Variants in CHST12 observed in about 807,000 individuals in gnomAD.
CHST12 encodes carbohydrate sulfotransferase 12.
CHST12 carries 23 observed loss-of-function variants against 27.9 expected under a neutral mutation model. The observed-to-expected ratio is 0.82, with a 90% CI of 0.59 to 1.17. The LOEUF is 1.17. Among genes scored for constraint, CHST12 ranks in the 50% most tolerant of loss-of-function variants. The pLI is 0.00. For synonymous variants in CHST12, 322 were observed against 273.0 expected, an observed-to-expected ratio of 1.18 and a Z score of -1.77; for missense variants, 682 against 603.0, an observed-to-expected ratio of 1.13 and a Z score of -1.37.
In CHST12 at chr7:2,433,825, T is replaced by C; in HGVS notation, c.1186T>C (p.Tyr396His). The change falls in exon 2 of 2, where the codon TAC (tyrosine) becomes CAC (histidine). Residue 396 changes from tyrosine (Y) to histidine (H), a missense_variant. Coordinates refer to ENST00000618655, the MANE Select transcript of CHST12 (RefSeq NM_018641.5). The surrounding 1 kb of genome is among the most constrained non-coding windows in gnomAD (Gnocchi z 6.1). ...LAWRQQLYKL[Y>H]EADFVLFGYP... is the part of the protein sequence containing the mutation. ...CTGGAGGCAGCAGCTGTATAAACTCTACGAGGCCGACTTTGTTCTCTTCGG... is the reference window on the plus strand; with the variant it reads ...CTGGAGGCAGCAGCTGTATAAACTCCACGAGGCCGACTTTGTTCTCTTCGG... The C allele has an allele frequency of 6.2e-7, 1 of 1,612,320 alleles. No homozygotes were observed. The highest frequency in any genetic ancestry group is 8.5e-7 in the Non-Finnish European group (1 of 1,178,740).
intron 1 of CHST12, among the ~76,000 whole-genome samples, chr7:2,415,449 T>TA (rs1056727525): frequency 6.6e-6 from 1 of 151,996 alleles, no homozygotes; most frequent in African/African-American, 2.4e-5. Flanking sequence ...ACAATGTACA[T>TA]ACGTTAATTT....
intron 1 of CHST12, among the ~76,000 whole-genome samples, chr7:2,432,244 C>T (rs982752628): frequency 2.0e-5 from 3 of 150,506 alleles, no homozygotes; most frequent in African/African-American, 7.3e-5. Flanking sequence ...GGTCTCCACT[C>T]CCTGGGAGGC....
rs1782361010 is a variant in CHST12, at chr7:2,433,428, CGAG to C, written c.793_795del (p.Glu265del). On this transcript the variant is annotated inframe_deletion, in exon 2 of 2. Coordinates refer to ENST00000618655, the MANE Select transcript of CHST12 (RefSeq NM_018641.5). The surrounding 1 kb of genome is among the most constrained non-coding windows in gnomAD (Gnocchi z 6.1). Reference sequence around the variant, plus strand: ...TCCGCAGCAAGTTCGAGCTGGAGAACGAGGAGTTCTACCGCAAGTTCGCCGTGC... The same window carrying C: ...TCCGCAGCAAGTTCGAGCTGGAGAACGAGTTCTACCGCAAGTTCGCCGTGC... 1 of 1,609,764 alleles carries C rather than the reference CGAG, an allele frequency of 6.2e-7. No individual in the cohort carries two copies. The highest frequency in any genetic ancestry group is 8.5e-7 in the Non-Finnish European group (1 of 1,179,924).
rs145289402 is a variant in CHST12, at chr7:2,424,585, G to T, written c.-77-7978G>T. Among the ~76,000 whole-genome samples, 434 of 152,206 alleles carry T rather than the reference G, an allele frequency of 2.9e-3. 3 individuals are homozygous for T. The highest frequency in any genetic ancestry group is 0.01 in the African/African-American group (418 of 41,536). On this transcript the variant is annotated intron_variant, in intron 1 of 1. Transcript: ENST00000618655. ...CCCCCGGAAGACTCCCGGGCAATCC[G>T]CCTGTTTGTGCTTGGATGCCCTCGG...
At chr7:2,414,887 A>C (rs1393321436) in intron 1 of CHST12, among the ~76,000 whole-genome samples, 1 of 152,172 alleles carries the variant, frequency 6.6e-6, no homozygotes, top group Non-Finnish European at 1.5e-5. Context: ...TTCCTTATTG[A>C]ATTACTTTGC....
Position 2,411,490 on chromosome 7 carries a change from C to CTTTTTTTTTTTTTTTT in CHST12, c.-78+7820_-78+7835dup, listed in dbSNP as rs79743047. Among the ~76,000 whole-genome samples the CTTTTTTTTTTTTTTTT allele has an allele frequency of 3.3e-4, 29 of 87,548 alleles. 4 individuals carry two copies. The highest frequency in any genetic ancestry group is 6.2e-4 in the African/African-American group (13 of 21,024). The allele number at this position is 87,548 out of a possible 152,430, so 57.4% of individuals were successfully genotyped here. The stretch of plus-strand genomic sequence containing the variant: ...ATAATTTCTTTGAGTTAACTTAACT[C>CTTTTTTTTTTTTTTTT]TTTTTTTTTTTTTTTTTTGAGACGG... On this transcript the variant is annotated intron_variant, in intron 1 of 1. Coordinates refer to ENST00000618655, the MANE Select transcript of CHST12 (RefSeq NM_018641.5).
intron 1 of CHST12, among the ~76,000 whole-genome samples, chr7:2,414,823 C>G (rs945021860): frequency 6.6e-6 from 1 of 152,152 alleles, no homozygotes; most frequent in African/African-American, 2.4e-5. Flanking sequence ...GAGGTTCATT[C>G]TTTTTCATGC....
At chr7:2,414,063 C>G (rs948125427) in intron 1 of CHST12, among the ~76,000 whole-genome samples, 1 of 152,032 alleles carries the variant, frequency 6.6e-6, no homozygotes, top group Non-Finnish European at 1.5e-5. Flanking sequence ...TCTTTGATGA[C>G]TAATGATGAT....
chr7:2,405,825 C>T (rs1781510216), intron 1 of CHST12, among the ~76,000 whole-genome samples: 1 of 152,134 alleles, frequency 6.6e-6, no homozygotes, highest in Admixed American at 6.6e-5. Context: ...TTTAGACCTG[C>T]AGAGTTGGCG....
rs1024001172 is a variant in CHST12, at chr7:2,444,591, C to G, written c.*10707C>G. 4 of 152,304 alleles carry G rather than the reference C, an allele frequency of 2.6e-5. No individual in the cohort carries two copies. Among genetic ancestry groups the G allele is most frequent in the Non-Finnish European group, 5.9e-5 (4 of 68,092 alleles). 9.4% of individuals were successfully genotyped at this position (152,304 alleles called of 1,614,324 possible). ...TCAGCCAGCACCAAGGCTGAAAGAG[C>G]CCATTCAGAGGCCAGAAAGAAACTG... On this transcript the variant is annotated 3_prime_UTR_variant, in exon 2 of 2. Transcript: ENST00000618655.
At chr7:2,427,196 A>AAGAG (rs532864387) in intron 1 of CHST12, among the ~76,000 whole-genome samples, 142 of 148,316 alleles carry the variant, frequency 9.6e-4, no homozygotes, top group African/African-American at 3.4e-3. Context: ...CAAAAGAAAA[A>AAGAG]AGAGAGAGAG....
At chr7:2,419,347 G>C (rs1264390693) in intron 1 of CHST12, among the ~76,000 whole-genome samples, 1 of 145,058 alleles carries the variant, frequency 6.9e-6, no homozygotes, top group African/African-American at 2.6e-5. Flanking sequence ...GTTGCAGTGA[G>C]CCAAGATCAC....
Position 2,444,210 on chromosome 7 carries a change from G to C in CHST12, c.*10326G>C, listed in dbSNP as rs1782689754. 1 of 148,500 alleles carries C rather than the reference G, an allele frequency of 6.7e-6. No homozygotes were observed. Among genetic ancestry groups the C allele is most frequent in the Non-Finnish European group, 1.5e-5 (1 of 66,936 alleles). 9.2% of individuals were successfully genotyped at this position (148,500 alleles called of 1,614,324 possible). ...GAGGCAGGAGAATGGCGTGAACCCGGGAGGCGGAGCTTGCAGTGAGCCGAG... is the reference window on the plus strand; with the variant it reads ...GAGGCAGGAGAATGGCGTGAACCCGCGAGGCGGAGCTTGCAGTGAGCCGAG... On this transcript the variant is annotated 3_prime_UTR_variant, in exon 2 of 2. Transcript: ENST00000618655.
At chr7:2,408,284 C>T (rs1245966211) in intron 1 of CHST12, among the ~76,000 whole-genome samples, 3 of 148,450 alleles carry the variant, frequency 2.0e-5, no homozygotes, top group East Asian at 4.0e-4. Context: ...ATTGCTTGAA[C>T]CTGGGAGGCG....
At chr7:2,410,069 G>A (rs1362392515) in intron 1 of CHST12, among the ~76,000 whole-genome samples, 1 of 152,056 alleles carries the variant, frequency 6.6e-6, no homozygotes, top group Non-Finnish European at 1.5e-5. Context: ...GGCCTGAGCC[G>A]CCACGCCCGG....
chr7:2,428,083 G>A (rs1409534447), intron 1 of CHST12, among the ~76,000 whole-genome samples: 2 of 152,040 alleles, frequency 1.3e-5, no homozygotes, highest in African/African-American at 2.4e-5. Flanking sequence ...GGTTACAGGC[G>A]TGAGTCACTA....
At position 2,446,245 on chromosome 7, in the gene CHST12, G is replaced by C. The variant is rs1033406791; in HGVS notation, c.*12361G>C. On this transcript the variant is annotated 3_prime_UTR_variant, in exon 2 of 2. Coordinates refer to ENST00000618655, the MANE Select transcript of CHST12 (RefSeq NM_018641.5). ...CCTTGGACCTCAGGCCGTTGACAAG[G>C]AAAAGCGGAGAGTTGGGAAAAAAGG... is the stretch of plus-strand genomic sequence containing the variant. 1 of 152,786 alleles carries C rather than the reference G, an allele frequency of 6.5e-6. No individual in the cohort carries two copies. Among genetic ancestry groups the C allele is most frequent in the African/African-American group, 2.4e-5 (1 of 41,470 alleles). 9.5% of individuals were successfully genotyped at this position (152,786 alleles called of 1,614,324 possible). A position where few individuals can be genotyped will look rare whatever the true frequency, so the allele number is the denominator to read the frequency against.
intron 1 of CHST12, among the ~76,000 whole-genome samples, chr7:2,412,118 C>G (rs1355787593): frequency 6.6e-6 from 1 of 152,174 alleles, no homozygotes; most frequent in Non-Finnish European, 1.5e-5. Context: ...TCATTCAGGT[C>G]TCCTGGGATA....
Position 2,448,082 on chromosome 7 carries a change from G to C in CHST12, c.*14198G>C, listed in dbSNP as rs1782798548. Reference sequence around the variant, plus strand: ...AGGATTTCGCCATGTGGGTCGGGCTGGTCTCGAACTCCTGGTCTCAAGTGA... The same window carrying C: ...AGGATTTCGCCATGTGGGTCGGGCTCGTCTCGAACTCCTGGTCTCAAGTGA... On this transcript the variant is annotated 3_prime_UTR_variant, in exon 2 of 2. Coordinates refer to ENST00000618655, the MANE Select transcript of CHST12 (RefSeq NM_018641.5). The C allele has an allele frequency of 6.6e-6, 1 of 152,008 alleles. No homozygotes were observed. Among genetic ancestry groups the C allele is most frequent in the Non-Finnish European group, 1.5e-5 (1 of 68,034 alleles). 9.4% of individuals were successfully genotyped at this position (152,008 alleles called of 1,614,324 possible). A position where few individuals can be genotyped will look rare whatever the true frequency, so the allele number is the denominator to read the frequency against.
Sources: gnomAD v4.1 joint callset for allele counts (sites outside exome capture counted in the v4.1 genomes callset) on GRCh38, gnomAD v4.1.1 for gene constraint, Gnocchi (gnomAD v3.1) non-coding constraint, MANE v1.5 for transcripts, NCBI Gene and HGNC (gene_info 2026-07-23, HGNC 2026-07-21) for gene names.